The following ENO1 variants were observed in gnomAD, a reference collection of about 807,000 sequenced individuals.
ENO1 encodes the protein enolase 1.
ENO1 carries 33 observed loss-of-function variants against 46.3 expected under a neutral mutation model. The observed-to-expected ratio is 0.71, with a 90% CI of 0.54 to 0.95. The LOEUF is 0.95. Ranked by LOEUF, ENO1 falls within the 40% of genes least tolerant of loss-of-function variation. The pLI, the probability that ENO1 is intolerant of heterozygous loss-of-function variation, is 0.00. For missense variants in ENO1, 488 were observed against 553.3 expected (o/e 0.88, Z 1.18); for synonymous variants, 220 against 216.0 (o/e 1.02, Z -0.16).
At chr1:8,874,063 C>G (rs1241456067) in intron 2 of ENO1, 1 of 152,212 alleles carries the variant, frequency 6.6e-6, no homozygotes, top group Non-Finnish European at 1.5e-5. Flanking sequence ...TTGCTGAAGA[C>G]TGATTTCTAG....
At chr1:8,869,168 C>G (rs1642581222) in intron 4 of ENO1, among the ~76,000 whole-genome samples, 1 of 152,100 alleles carries the variant, frequency 6.6e-6, no homozygotes, top group South Asian at 2.1e-4. Flanking sequence ...GGCAGTTACC[C>G]AAGCACACAG....
At chr1:8,869,117 G>A (rs1179709945) in intron 4 of ENO1, among the ~76,000 whole-genome samples, 1 of 152,162 alleles carries the variant, frequency 6.6e-6, no homozygotes, top group Non-Finnish European at 1.5e-5. Context: ...GAGCAATTTG[G>A]TGTCTTTCAC....
intron 11 of ENO1, 107 bp downstream of exon 11, chr1:8,862,780 T>C: frequency 7.7e-7 from 1 of 1,292,302 alleles, no homozygotes; most frequent in East Asian, 2.5e-5. Flanking sequence ...CCTGCACCTG[T>C]ACATGTTCCC....
intron 1 of ENO1, among the ~76,000 whole-genome samples, chr1:8,875,352 CA>C (rs1321842585): frequency 7.3e-5 from 11 of 151,544 alleles, no homozygotes; most frequent in African/African-American, 2.7e-4. Context: ...CGTGTGTGCC[CA>C]GGGAGAATCA....
intron 5 of ENO1, 121 bp from the exon 6 acceptor site, chr1:8,867,371 C>T (rs896144451): frequency 1.5e-6 from 2 of 1,364,220 alleles, no homozygotes; most frequent in Non-Finnish European, 1.0e-6. Flanking sequence ...CTCCATTTCA[C>T]TGTTACTAGA....
intron 7 of ENO1, chr1:8,865,876 G>A (rs1279284428): frequency 6.1e-6 from 2 of 328,650 alleles, no homozygotes; most frequent in Admixed American, 4.8e-5. Flanking sequence ...CGGGATGGCA[G>A]GATCCTCCCG....
rs546963330 is a variant in ENO1, at chr1:8,871,716, A to G, written c.181+175T>C. ...GGCTCGGGAACCCCGGAATCCACACACCAACTTTCCTGTCCACAAGGTGGT... is the reference window on the plus strand; with the variant it reads ...GGCTCGGGAACCCCGGAATCCACACGCCAACTTTCCTGTCCACAAGGTGGT... On this transcript the variant is annotated intron_variant, in intron 3 of 11. Coordinates refer to ENST00000234590, the MANE Select transcript of ENO1 (RefSeq NM_001428.5). 12 of 1,280,178 alleles carry G rather than the reference A, an allele frequency of 9.4e-6. No individual in the cohort carries two copies. The East Asian group carries it at 1.8e-4, about 19-fold the overall frequency. The allele number at this position is 1,280,178 out of a possible 1,614,324, so 79.3% of individuals were successfully genotyped here. A position where few individuals can be genotyped will look rare whatever the true frequency, so the allele number is the denominator to read the frequency against.
Position 8,861,338 on chromosome 1 carries a change from G to C in ENO1, c.*22C>G. The stretch of plus-strand genomic sequence containing the variant: ...GGGTCTGTGTAGCCAACAGGTGACC[G>C]AAGGGCTTGCCTGCCCACAGCTTAC... On this transcript the variant is annotated 3_prime_UTR_variant, in exon 12 of 12. Coordinates refer to ENST00000234590, the MANE Select transcript of ENO1 (RefSeq NM_001428.5). The C allele has an allele frequency of 6.2e-7, 1 of 1,613,064 alleles. No homozygotes were observed.
intron 6 of ENO1, 106 bp from the exon 7 acceptor site, chr1:8,866,607 A>C: frequency 8.1e-7 from 1 of 1,238,372 alleles, no homozygotes; most frequent in African/African-American, 1.5e-5. Flanking sequence ...GATGAGCCCA[A>C]GACTTGCTTC....
At chr1:8,876,728 G>T (rs929952145) in intron 1 of ENO1, among the ~76,000 whole-genome samples, 3 of 151,948 alleles carry the variant, frequency 2.0e-5, no homozygotes, top group African/African-American at 7.3e-5. Context: ...AACCCGGGAG[G>T]TGGAGCTTGC....
intron 6 of ENO1, among the ~76,000 whole-genome samples, chr1:8,866,803 A>G (rs1262140835): frequency 6.6e-6 from 1 of 152,178 alleles, no homozygotes; most frequent in African/African-American, 2.4e-5. Flanking sequence ...TACTGCAACC[A>G]GTTCACGCCA....
At chr1:8,862,795 C>G in intron 11 of ENO1, 92 bp downstream of exon 11, 1 of 1,420,114 alleles carries the variant, frequency 7.0e-7, no homozygotes, top group Non-Finnish European at 9.7e-7. Flanking sequence ...GTTCCCAGAG[C>G]CAGGAGCTCC....
intron 3 of ENO1, chr1:8,871,198 C>A: frequency 9.4e-7 from 1 of 1,063,452 alleles, no homozygotes; most frequent in Non-Finnish European, 1.1e-6. Flanking sequence ...CGACACCAGC[C>A]CAGTGTTTCA....
chr1:8,870,969 G>T, intron 3 of ENO1: 2 of 1,245,866 alleles, frequency 1.6e-6, no homozygotes, highest in Non-Finnish European at 2.0e-6. Context: ...AGACAGTGAG[G>T]GGGCAGGAAA....
At chr1:8,868,103 G>T in intron 4 of ENO1, 46 bp from the exon 5 acceptor site, 2 of 1,385,162 alleles carry the variant, frequency 1.4e-6, no homozygotes, top group Non-Finnish European at 2.0e-6. Flanking sequence ...ACTCTTATCT[G>T]CATAGCCTTT....
chr1:8,861,830 G>A (rs1247313765), intron 11 of ENO1, among the ~76,000 whole-genome samples: 1 of 144,368 alleles, frequency 6.9e-6, no homozygotes, highest in East Asian at 2.1e-4. Context: ...GAGAAAAGGA[G>A]AGTGACCTTA....
intron 1 of ENO1, 82 bp from the exon 2 acceptor site, chr1:8,874,999 G>C: frequency 8.3e-7 from 1 of 1,202,930 alleles, no homozygotes. Flanking sequence ...CACTTCCGAG[G>C]TTCGTGGACT....
In ENO1 at chr1:8,863,188, C is replaced by T. The variant is rs755798840; in HGVS notation, c.1176+47G>A. The T allele has an allele frequency of 1.7e-5, 28 of 1,604,106 alleles. No individual in the cohort carries two copies. In the Admixed American group the frequency reaches 2.5e-4, roughly 15 times the overall value. The stretch of plus-strand genomic sequence containing the variant: ...GGAGCCTCACTGGTTTTGGGTCTTC[C>T]TAGGAAGTTGAGGTCAGAGAAGAAA... On this transcript the variant is annotated intron_variant, in intron 10 of 11. Coordinates refer to ENST00000234590, the MANE Select transcript of ENO1 (RefSeq NM_001428.5).
chr1:8,871,906 G>A lies in ENO1; in HGVS notation c.166C>T (p.Arg56Cys), dbSNP rs760225797. 1.5e-5 allele frequency: 25 copies of A among 1,613,928 alleles called. No homozygotes were observed. Among genetic ancestry groups the A allele is most frequent in the Middle Eastern group, 3.3e-4 (2 of 6,018 alleles). The change falls in exon 3 of 12, where the codon CGC (arginine) becomes TGC (cysteine). Residue 56 changes from arginine (R) to cysteine (C), a missense_variant. Transcript: ENST00000234590. Reference sequence around the variant, plus strand: ...TAAGGCTTACCCTTCCCCATATAGCGAGTCTTATCATTGTCCCGGAGCTCT... The same window carrying A: ...TAAGGCTTACCCTTCCCCATATAGCAAGTCTTATCATTGTCCCGGAGCTCT... Reference protein sequence around the residue: ...ALELRDNDKTRYMGKGVSKAV... With the variant: ...ALELRDNDKTCYMGKGVSKAV...
Sources: allele counts gnomAD v4.1 joint callset (sites outside exome capture counted in the v4.1 genomes callset), GRCh38; gene constraint gnomAD v4.1.1; transcripts MANE v1.5; gene names NCBI Gene and HGNC (gene_info 2026-07-23, HGNC 2026-07-21).